Variants in PM20D2 observed in about 807,000 individuals in gnomAD.
The protein encoded by PM20D2 is xaa-Arg dipeptidase.
Under a neutral mutation model 42.9 loss-of-function variants are expected in PM20D2, and 33 were observed. The observed-to-expected ratio is 0.77, with a 90% CI of 0.58 to 1.03. The LOEUF is 1.03. PM20D2 is among the 50% of genes least tolerant of loss of function. The pLI is 0.00. For missense variants in PM20D2, 548 were observed against 557.0 expected, an observed-to-expected ratio of 0.98 and a Z score of 0.16; for synonymous variants, 250 against 228.2, an observed-to-expected ratio of 1.10 and a Z score of -0.86.
upstream of PM20D2, among the ~76,000 whole-genome samples, chr6:89,142,814 C>T (rs999486043): frequency 6.6e-6 from 1 of 152,176 alleles, no homozygotes; most frequent in Non-Finnish European, 1.5e-5. Flanking sequence ...CGTGCCACCA[C>T]GCCCGGCTAA....
At chr6:89,111,855 G>T in the PM20D2 span, among the ~76,000 whole-genome samples, 33 of 152,150 alleles carry the variant, frequency 2.2e-4, no homozygotes, top group African/African-American at 7.5e-4. Flanking sequence ...TGGAGACAGG[G>T]TCTCAGGTCT....
At chr6:89,139,838 G>A in the PM20D2 span, among the ~76,000 whole-genome samples, 4 of 152,292 alleles carry the variant, frequency 2.6e-5, no homozygotes, top group South Asian at 8.3e-4. Context: ...AATGCTTAAA[G>A]CATTTTAAGG....
chr6:89,123,540 C>A, the PM20D2 span, among the ~76,000 whole-genome samples: 5 of 146,658 alleles, frequency 3.4e-5, no homozygotes, highest in African/African-American at 1.3e-4. Flanking sequence ...GGGCAACATA[C>A]GATACCTCAT....
At chr6:89,102,942 T>C in the PM20D2 span, among the ~76,000 whole-genome samples, 171 of 152,232 alleles carry the variant, frequency 1.1e-3, 1 homozygote, top group African/African-American at 3.9e-3. Flanking sequence ...TTTTTTAGTT[T>C]TTGTAGACAT....
rs370380359 is a variant in PM20D2, at chr6:89,146,532, G to C, written c.388G>C (p.Ala130Pro). The C allele has an allele frequency of 6.6e-7, 1 of 1,509,704 alleles. No homozygotes were observed. The highest frequency in any genetic ancestry group is 8.8e-7 in the Non-Finnish European group (1 of 1,136,462). 93.5% of individuals were successfully genotyped at this position (1,509,704 alleles called of 1,614,324 possible). ...IGHACGHNLIAEVGAAAALGV... is the reference protein window; with the variant it reads ...IGHACGHNLIPEVGAAAALGV... Reference sequence around the variant, plus strand: ...CCACGCCTGCGGCCACAACCTCATCGCTGAGGTCGGGGCGGCGGCCGCGCT... The same window carrying C: ...CCACGCCTGCGGCCACAACCTCATCCCTGAGGTCGGGGCGGCGGCCGCGCT... Residue 130 changes from alanine to proline, a missense_variant, in exon 1 of 7, where the codon GCT becomes CCT. Ala to Pro is a conservative substitution (Grantham distance 27). Transcript: ENST00000275072.
At position 89,146,252 on chromosome 6, in the gene PM20D2, G is replaced by A; in HGVS notation, c.108G>A (p.Glu36=). Residue 36 remains glutamate, a synonymous_variant, in exon 1 of 7, where the codon GAG becomes GAA. Coordinates refer to ENST00000275072, the MANE Select transcript of PM20D2 (RefSeq NM_001010853.3). ...RSAECIDEAA[E]RLGALSRAIW... is the part of the protein sequence containing the mutation. ...CGGAGTGCATCGACGAGGCGGCCGA[G>A]CGGCTGGGGGCCCTGAGCCGCGCGA... is the stretch of plus-strand genomic sequence containing the variant. 1 of 1,578,514 alleles carries A rather than the reference G, an allele frequency of 6.3e-7. No homozygotes were observed. Among genetic ancestry groups the A allele is most frequent in the Non-Finnish European group, 8.5e-7 (1 of 1,170,082 alleles).
chr6:89,117,606 C>A, the PM20D2 span, among the ~76,000 whole-genome samples: 1 of 152,144 alleles, frequency 6.6e-6, no homozygotes, highest in East Asian at 1.9e-4. Context: ...TGCGCGGCGC[C>A]GGGGCTGAAA....
chr6:89,154,754 T>TA lies in PM20D2; in HGVS notation c.770dup (p.Asn257LysfsTer14), dbSNP rs1214792276. On this transcript the variant is annotated frameshift_variant, in exon 4 of 7. Coordinates refer to ENST00000275072, the MANE Select transcript of PM20D2 (RefSeq NM_001010853.3). LOFTEE classifies it high-confidence loss of function. Reference sequence around the variant, plus strand: ...AATTTGGTTCTTTTTATAGGTATAATAAAAAATGGTGGTGTAAAACCCAAT... The same window carrying TA: ...AATTTGGTTCTTTTTATAGGTATAATAAAAAAATGGTGGTGTAAAACCCAAT... The TA allele has an allele frequency of 2.6e-6, 4 of 1,535,504 alleles. No homozygotes were observed. The highest frequency in any genetic ancestry group is 4.2e-5 in the Admixed American group (2 of 48,038).
At chr6:89,123,149 T>C in the PM20D2 span, among the ~76,000 whole-genome samples, 1 of 152,206 alleles carries the variant, frequency 6.6e-6, no homozygotes, top group Non-Finnish European at 1.5e-5. Flanking sequence ...ATTGAAAATC[T>C]TGGGGGGGTG....
chr6:89,130,827 T>C, the PM20D2 span, among the ~76,000 whole-genome samples: 1 of 125,216 alleles, frequency 8.0e-6, no homozygotes, highest in Non-Finnish European at 1.6e-5. Context: ...TTCTTTTTTT[T>C]TTTTTTTTTT....
In PM20D2 at chr6:89,164,157, GAGCT is replaced by G. The variant is rs1234698006; in HGVS notation, c.*1897_*1900del. ...TTAATTGCCTCTATAGCACTCATAA[GAGCT>G]AGGGCATTAGGATAAACTAGAATAT... is the stretch of plus-strand genomic sequence containing the variant. On this transcript the variant is annotated 3_prime_UTR_variant, in exon 7 of 7. Transcript: ENST00000275072. 1 of 152,120 alleles carries G rather than the reference GAGCT, an allele frequency of 6.6e-6. No individual in the cohort carries two copies. The highest frequency in any genetic ancestry group is 1.5e-5 in the Non-Finnish European group (1 of 68,024). 9.4% of individuals were successfully genotyped at this position (152,120 alleles called of 1,614,324 possible).
At chr6:89,141,291 A>G (rs1220127900), upstream of PM20D2, among the ~76,000 whole-genome samples, 1 of 152,162 alleles carries the variant, frequency 6.6e-6, no homozygotes, top group Non-Finnish European at 1.5e-5. Flanking sequence ...GTGAGGAATT[A>G]AGTCTGGCCA....
the PM20D2 span, among the ~76,000 whole-genome samples, chr6:89,117,567 G>T: frequency 6.6e-6 from 1 of 152,192 alleles, no homozygotes; most frequent in Non-Finnish European, 1.5e-5. Flanking sequence ...GCTGAACCGC[G>T]GAAAGCGACG....
At chr6:89,111,911 CA>C in the PM20D2 span, among the ~76,000 whole-genome samples, 2 of 152,176 alleles carry the variant, frequency 1.3e-5, no homozygotes, top group African/African-American at 4.8e-5. Flanking sequence ...CTATATTTAA[CA>C]TTAAAAAATT....
the PM20D2 span, among the ~76,000 whole-genome samples, chr6:89,107,802 T>C: frequency 1.3e-5 from 2 of 152,214 alleles, no homozygotes; most frequent in African/African-American, 4.8e-5. Context: ...GAGGTTCTGA[T>C]TCAGGAAGTA....
chr6:89,157,074 CTA>C (rs1338347321), intron 4 of PM20D2, among the ~76,000 whole-genome samples: 2 of 151,736 alleles, frequency 1.3e-5, no homozygotes, highest in Non-Finnish European at 2.9e-5. Context: ...GGATTTGAAT[CTA>C]TATTTAATTT....
At chr6:89,126,345 T>C in the PM20D2 span, among the ~76,000 whole-genome samples, 2 of 151,460 alleles carry the variant, frequency 1.3e-5, no homozygotes, top group African/African-American at 4.9e-5. Context: ...CAGTGAGCCA[T>C]GATTGCACCA....
At chr6:89,114,475 T>C in the PM20D2 span, among the ~76,000 whole-genome samples, 9,566 of 152,218 alleles carry the variant, frequency 0.063, 875 homozygotes, top group African/African-American at 0.2. Context: ...ATAGGGTTAC[T>C]GCGAAAATTT....
intron 5 of PM20D2, among the ~76,000 whole-genome samples, chr6:89,160,852 T>C (rs1771209130): frequency 6.6e-6 from 1 of 151,872 alleles, no homozygotes; most frequent in African/African-American, 2.4e-5. Flanking sequence ...TAAGTAAGAG[T>C]TACAGAGATG....
Sources: allele counts gnomAD v4.1 joint callset (sites outside exome capture counted in the v4.1 genomes callset), GRCh38; gene constraint gnomAD v4.1.1; transcripts MANE v1.5; gene names NCBI Gene and HGNC (gene_info 2026-07-23, HGNC 2026-07-21).